Variants in KSR2 observed in about 807,000 individuals in gnomAD.
The protein encoded by KSR2 is kinase suppressor of ras 2.
A neutral mutation model predicts 107.8 loss-of-function variants in KSR2; 25 were observed. The ratio of observed to expected loss-of-function variants is 0.23; its 90% CI spans 0.17 to 0.32. The LOEUF (loss-of-function observed/expected upper bound fraction) is 0.32. Ranked by LOEUF, KSR2 falls within the 10% of genes least tolerant of loss-of-function variation. The probability of loss-of-function intolerance (pLI) is 1.00; values close to 1 mark genes in which losing one functional copy is unlikely to be tolerated. For missense variants in KSR2, 887 were observed against 1,268.9 expected (o/e 0.70, Z 4.57); for synonymous variants, 480 against 507.0 (o/e 0.95, Z 0.71).
intron 14 of KSR2, among the ~76,000 whole-genome samples, chr12:117,508,920 G>A (rs1057302158): frequency 1.3e-5 from 2 of 151,350 alleles, no homozygotes; most frequent in African/African-American, 4.9e-5. Context: ...AGGGTGGGTG[G>A]GTGGATGGGG....
chr12:117,911,492 G>T (rs1214965403), intron 1 of KSR2, among the ~76,000 whole-genome samples: 2 of 152,114 alleles, frequency 1.3e-5, no homozygotes, highest in Non-Finnish European at 2.9e-5. Flanking sequence ...AAGAAATAAA[G>T]GATTTATTGC....
chr12:117,555,632 C>G (rs1008306101), intron 8 of KSR2, among the ~76,000 whole-genome samples: 3 of 152,222 alleles, frequency 2.0e-5, no homozygotes, highest in African/African-American at 7.2e-5. Flanking sequence ...GATGAGCGGA[C>G]AAGCTCATCA....
intron 1 of KSR2, among the ~76,000 whole-genome samples, chr12:117,879,994 A>G (rs376208205): frequency 6.6e-6 from 1 of 152,066 alleles, no homozygotes. Flanking sequence ...TAAAAATACA[A>G]AATTAGCCAG....
chr12:117,471,095 A>C, intron 18 of KSR2, 96 bp downstream of exon 18: 1 of 1,479,728 alleles, frequency 6.8e-7, no homozygotes, highest in Admixed American at 2.1e-5. Flanking sequence ...CCCTATGGGA[A>C]AGCATTTGTA....
chr12:117,948,430 C>T (rs1896263650), intron 1 of KSR2, among the ~76,000 whole-genome samples: 1 of 150,646 alleles, frequency 6.6e-6, no homozygotes, highest in Admixed American at 6.6e-5. Flanking sequence ...GCAGAGGTTG[C>T]AGTGAGCCCA....
chr12:117,919,538 A>AC (rs1222585024), intron 1 of KSR2, among the ~76,000 whole-genome samples: 1 of 152,238 alleles, frequency 6.6e-6, no homozygotes, highest in Admixed American at 6.5e-5. Flanking sequence ...ATCTAAAATG[A>AC]CCTTTCATAA....
At chr12:117,607,654 A>AAGGAGAGGTGAGGAGAGGAG (rs1881351638) in intron 5 of KSR2, among the ~76,000 whole-genome samples, 1 of 118,074 alleles carries the variant, frequency 8.5e-6, no homozygotes, top group Non-Finnish European at 1.7e-5. Flanking sequence ...GAGGGGAGGA[A>AAGGAGAGGTGAGGAGAGGAG]AGGAGAGGAG....
intron 5 of KSR2, among the ~76,000 whole-genome samples, chr12:117,607,821 G>A (rs912512025): frequency 6.6e-6 from 1 of 152,184 alleles, no homozygotes; most frequent in Non-Finnish European, 1.5e-5. Flanking sequence ...TGACAGGAGG[G>A]CACAGGGTTT....
chr12:117,500,779 T>A (rs1873331124), intron 14 of KSR2, among the ~76,000 whole-genome samples: 1 of 152,222 alleles, frequency 6.6e-6, no homozygotes, highest in African/African-American at 2.4e-5. Context: ...AGAGATTGAA[T>A]GACTTGCCCA....
chr12:117,501,102 C>A (rs1396929218), intron 14 of KSR2, among the ~76,000 whole-genome samples: 3 of 152,216 alleles, frequency 2.0e-5, no homozygotes, highest in Non-Finnish European at 4.4e-5. Flanking sequence ...TTTGATACTC[C>A]TTTAAATGGT....
chr12:117,572,418 A>G (rs1878951975), intron 7 of KSR2, among the ~76,000 whole-genome samples: 1 of 152,110 alleles, frequency 6.6e-6, no homozygotes, highest in Admixed American at 6.5e-5. Flanking sequence ...TGGCAATGTT[A>G]AGCTTGCACC....
chr12:117,541,487 A>C (rs1876489825), intron 9 of KSR2, among the ~76,000 whole-genome samples: 1 of 152,214 alleles, frequency 6.6e-6, no homozygotes, highest in Non-Finnish European at 1.5e-5. Context: ...CAAAAGCAGC[A>C]AACCTCCACA....
At chr12:117,591,785 C>T (rs1399200980) in intron 5 of KSR2, among the ~76,000 whole-genome samples, 2 of 151,928 alleles carry the variant, frequency 1.3e-5, no homozygotes, top group African/African-American at 2.4e-5. Flanking sequence ...GAGCGGATCA[C>T]TTGAGGTCAG....
chr12:117,773,515 C>T (rs1376139154), intron 3 of KSR2, among the ~76,000 whole-genome samples: 6 of 152,000 alleles, frequency 3.9e-5, no homozygotes, highest in South Asian at 2.1e-4. Context: ...CTCTGAATTT[C>T]GGAGCCAGCA....
chr12:117,851,541 T>C (rs1420529336), intron 3 of KSR2, among the ~76,000 whole-genome samples: 2 of 151,936 alleles, frequency 1.3e-5, no homozygotes, highest in South Asian at 4.1e-4. Context: ...TGTGATCACA[T>C]CACACCACTG....
At chr12:117,607,670 A>AG (rs1157403952) in intron 5 of KSR2, among the ~76,000 whole-genome samples, 1 of 145,770 alleles carries the variant, frequency 6.9e-6, no homozygotes, top group Admixed American at 6.7e-5. Flanking sequence ...AGGAGAGGAG[A>AG]GGAGAGGAGA....
intron 16 of KSR2, among the ~76,000 whole-genome samples, chr12:117,482,754 C>T (rs1872246734): frequency 6.6e-6 from 1 of 152,212 alleles, no homozygotes; most frequent in East Asian, 1.9e-4. Context: ...AGAGGTCCTG[C>T]ACCCCTTTCC....
At chr12:117,722,586 C>A (rs921471585) in intron 4 of KSR2, among the ~76,000 whole-genome samples, 1 of 152,178 alleles carries the variant, frequency 6.6e-6, no homozygotes, top group Admixed American at 6.5e-5. Context: ...GCCATGACAA[C>A]GTCAGAAAGT....
intron 1 of KSR2, among the ~76,000 whole-genome samples, chr12:117,960,531 C>T (rs1896630448): frequency 6.6e-6 from 1 of 152,114 alleles, no homozygotes; most frequent in African/African-American, 2.4e-5. Flanking sequence ...GGCACTGTAG[C>T]CAACCACCAG....
Sources: allele counts gnomAD v4.1 joint callset (sites outside exome capture counted in the v4.1 genomes callset), GRCh38; gene constraint gnomAD v4.1.1; transcripts MANE v1.5; gene names NCBI Gene and HGNC (gene_info 2026-07-23, HGNC 2026-07-21).